Variants in SLC13A3 observed in about 807,000 individuals in gnomAD.
SLC13A3 encodes Na(+)/dicarboxylate cotransporter 3.
Under a neutral mutation model 59.0 loss-of-function variants are expected in SLC13A3, and 40 were observed. The ratio of observed to expected loss-of-function variants is 0.68; its 90% CI spans 0.53 to 0.88. The LOEUF is 0.88. Ranked by LOEUF, SLC13A3 falls within the 40% of genes least tolerant of loss-of-function variation. SLC13A3 has a pLI of 0.00. For missense variants in SLC13A3, 699 were observed against 783.2 expected (o/e 0.89, Z 1.28); for synonymous variants, 317 against 330.3 (o/e 0.96, Z 0.44).
At chr20:46,574,068 G>A (rs968999825) in intron 10 of SLC13A3, among the ~76,000 whole-genome samples, 2 of 152,168 alleles carry the variant, frequency 1.3e-5, no homozygotes, top group Non-Finnish European at 2.9e-5. Context: ...TGCAAACGTA[G>A]GCGAGCTATT....
At chr20:46,627,557 A>C (rs1401509827) in intron 1 of SLC13A3, among the ~76,000 whole-genome samples, 2 of 152,102 alleles carry the variant, frequency 1.3e-5, no homozygotes, top group South Asian at 2.1e-4. Flanking sequence ...AGAAGCTTGA[A>C]ATTTTGCTTC....
intron 1 of SLC13A3, among the ~76,000 whole-genome samples, chr20:46,640,267 G>A (rs772808121): frequency 2.6e-5 from 4 of 152,126 alleles, no homozygotes; most frequent in South Asian, 2.1e-4. Flanking sequence ...AGTGGAAATC[G>A]AAGTCCTCTC....
intron 1 of SLC13A3, among the ~76,000 whole-genome samples, chr20:46,669,022 A>G (rs997806890): frequency 6.6e-6 from 1 of 152,180 alleles, no homozygotes; most frequent in Non-Finnish European, 1.5e-5. Flanking sequence ...TGTTCATTGG[A>G]CAGATAAGGA....
chr20:46,589,650 C>T (rs1227725791), intron 6 of SLC13A3, among the ~76,000 whole-genome samples: 1 of 152,164 alleles, frequency 6.6e-6, no homozygotes, highest in Non-Finnish European at 1.5e-5. Context: ...TGGTATCAGA[C>T]ATATAGATCA....
chr20:46,665,378 C>G (rs2063057235), intron 1 of SLC13A3, among the ~76,000 whole-genome samples: 1 of 152,164 alleles, frequency 6.6e-6, no homozygotes, highest in Non-Finnish European at 1.5e-5. Context: ...ATCTCATGCC[C>G]ACTAACAGTC....
chr20:46,614,453 G>A (rs775748547), intron 1 of SLC13A3, among the ~76,000 whole-genome samples: 18 of 152,196 alleles, frequency 1.2e-4, no homozygotes, highest in South Asian at 2.1e-4. Flanking sequence ...AAATACTCCC[G>A]CAGTCCATCT....
chr20:46,583,072 CA>C (rs2062154323), intron 9 of SLC13A3: 2 of 985,662 alleles, frequency 2.0e-6, no homozygotes, highest in African/African-American at 3.5e-5. Flanking sequence ...TGCTTTGGGC[CA>C]AGGGGTCATT....
intron 10 of SLC13A3, among the ~76,000 whole-genome samples, chr20:46,572,664 A>C (rs1027882111): frequency 1.3e-5 from 2 of 152,218 alleles, no homozygotes; most frequent in African/African-American, 4.8e-5. Flanking sequence ...TCAGTATCTA[A>C]CCATAATAAC....
rs547560028 is a variant in SLC13A3, at chr20:46,610,710, A to G, written c.378-101T>C. The G allele has an allele frequency of 3.1e-6, 3 of 970,214 alleles. No individual in the cohort carries two copies. The South Asian group carries it at 5.0e-5, about 16-fold the overall frequency. 60.1% of individuals were successfully genotyped at this position (970,214 alleles called of 1,614,324 possible). On this transcript the variant is annotated intron_variant, in intron 2 of 12. Transcript: ENST00000279027. ...CTGAGGAATACAATCCATCCATTTTACAGATGGAAACTTGAGACTCAAAGC... is the reference window on the plus strand; with the variant it reads ...CTGAGGAATACAATCCATCCATTTTGCAGATGGAAACTTGAGACTCAAAGC...
rs868535232 is a variant in SLC13A3 at position 46,676,498 on chromosome 20, G to A, written c.-31+7898C>T. On this transcript the variant is annotated intron_variant, in intron 1 of 6. Transcript: ENST00000372121. Reference sequence around the variant, plus strand: ...TCGAACTCCTGAGCTCAGGCAATCCGCCCACCTCAGCCTCCCAAATTGTTA... The same window carrying A: ...TCGAACTCCTGAGCTCAGGCAATCCACCCACCTCAGCCTCCCAAATTGTTA... 9.9e-5 allele frequency among the ~76,000 whole-genome samples: 14 copies of A among 141,574 alleles called. No individual in the cohort carries two copies. The South Asian group carries it at 1.4e-3, about 14-fold the overall frequency. The allele number at this position is 141,574 out of a possible 152,430, so 92.9% of individuals were successfully genotyped here.
intron 4 of SLC13A3, 79 bp downstream of exon 4, chr20:46,599,892 G>C: frequency 8.9e-7 from 1 of 1,128,590 alleles, no homozygotes; most frequent in African/African-American, 1.6e-5. Context: ...GGAGGAAAAT[G>C]GTTTGCAGCA....
At chr20:46,618,064 C>T (rs1190423370) in intron 1 of SLC13A3, among the ~76,000 whole-genome samples, 1 of 152,114 alleles carries the variant, frequency 6.6e-6, no homozygotes, top group Non-Finnish European at 1.5e-5. Flanking sequence ...CTCATCTTTG[C>T]GTTTTGAAAA....
chr20:46,679,019 C>T (rs935979887), intron 1 of SLC13A3, among the ~76,000 whole-genome samples: 4 of 152,156 alleles, frequency 2.6e-5, no homozygotes, highest in Admixed American at 1.3e-4. Flanking sequence ...CCACCATGAT[C>T]GGAAGCTTCC....
At chr20:46,602,968 C>G (rs766557555) in intron 3 of SLC13A3, among the ~76,000 whole-genome samples, 23 of 152,052 alleles carry the variant, frequency 1.5e-4, no homozygotes, top group Non-Finnish European at 3.4e-4. Context: ...CACCTGAGGT[C>G]GGGAGTTTGA....
chr20:46,608,095 G>C (rs2062453652), intron 3 of SLC13A3, among the ~76,000 whole-genome samples: 1 of 152,132 alleles, frequency 6.6e-6, no homozygotes, highest in African/African-American at 2.4e-5. Context: ...TCTCTTAAGG[G>C]AAACAGTTTG....
upstream of SLC13A3, among the ~76,000 whole-genome samples, chr20:46,653,336 G>A (rs140328116): frequency 1.2e-3 from 177 of 152,242 alleles, no homozygotes; most frequent in African/African-American, 4.0e-3. Flanking sequence ...AGAGTTTCTC[G>A]TATGTTTAGT....
intron 10 of SLC13A3, 29 bp from the exon 11 acceptor site, chr20:46,566,419 C>A (rs777613807): frequency 1.9e-6 from 3 of 1,595,334 alleles, no homozygotes; most frequent in Admixed American, 1.7e-5. Flanking sequence ...TCCTTCATAC[C>A]CCAGCCCATC....
At chr20:46,561,001 C>A (rs707505) in intron 12 of SLC13A3, among the ~76,000 whole-genome samples, 1 of 152,152 alleles carries the variant, frequency 6.6e-6, no homozygotes, top group African/African-American at 2.4e-5. Flanking sequence ...AATCTTGGGG[C>A]CCCCAAATTA....
At position 46,668,220 on chromosome 20, in the gene SLC13A3, C is replaced by T. The variant is rs138463266; in HGVS notation, c.-31+1823G>A. 2.6e-4 allele frequency among the ~76,000 whole-genome samples: 39 copies of T among 152,190 alleles called. 1 individual carries two copies. In the East Asian group the frequency reaches 6.6e-3, roughly 26 times the overall value. ...ATGGTTACACTTAGTGAGGAAGGCA[C>T]GTCGAAAGCCAACACAGGCCAAAAA... On this transcript the variant is annotated intron_variant, in intron 1 of 12. Coordinates refer to the SLC13A3 transcript ENST00000290317.
Sources: allele counts gnomAD v4.1 joint callset (sites outside exome capture counted in the v4.1 genomes callset), GRCh38; gene constraint gnomAD v4.1.1; transcripts MANE v1.5; gene names NCBI Gene and HGNC (gene_info 2026-07-23, HGNC 2026-07-21).